NOL4L: variants seen among roughly 807,000 people sequenced by gnomAD.
The protein encoded by NOL4L is nucleolar protein 4-like.
In NOL4L, 7 loss-of-function variants were observed where a neutral mutation model predicts 64.5. The observed-to-expected ratio is 0.11, with a 90% CI of 0.06 to 0.20. The LOEUF is 0.20. Ranked by LOEUF, NOL4L falls within the 10% of genes least tolerant of loss-of-function variation. NOL4L has a pLI of 1.00. For missense variants in NOL4L, 680 were observed against 967.1 expected (o/e 0.70, Z 3.94); for synonymous variants, 413 against 401.0 (o/e 1.03, Z -0.36).
At chr20:32,552,390 T>A (rs1264153377) in intron 1 of NOL4L, among the ~76,000 whole-genome samples, 4 of 151,670 alleles carry the variant, frequency 2.6e-5, no homozygotes, top group East Asian at 1.9e-4. Flanking sequence ...TTTTTTTTTT[T>A]AATAATGAAA....
intron 1 of NOL4L, among the ~76,000 whole-genome samples, chr20:32,542,403 G>C (rs187136289): frequency 6.6e-6 from 1 of 152,186 alleles, no homozygotes; most frequent in Non-Finnish European, 1.5e-5. Flanking sequence ...ACCCAGACTG[G>C]AGTATAGTGG....
chr20:32,497,154 A>G (rs972383301), intron 4 of NOL4L, among the ~76,000 whole-genome samples: 29 of 151,368 alleles, frequency 1.9e-4, no homozygotes, highest in Non-Finnish European at 8.8e-5. Context: ...CAAAGCCATT[A>G]TCTCTAATTG....
chr20:32,535,017 C>T (rs2018470027), intron 1 of NOL4L, among the ~76,000 whole-genome samples: 3 of 151,602 alleles, frequency 2.0e-5, no homozygotes, highest in Admixed American at 2.0e-4. Context: ...TGCAAAGGGG[C>T]CCCACAGGGA....
At position 32,447,005 on chromosome 20, in the gene NOL4L, C is replaced by A; in HGVS notation, c.*591G>T. On this transcript the variant is annotated 3_prime_UTR_variant, in exon 11 of 11. Transcript: ENST00000621426. The stretch of plus-strand genomic sequence containing the variant: ...GCGGCCACAGGGTGCACCAGGCATG[C>A]AGAGGAACAGCCAGCCTGGCACCTG... 1 of 327,250 alleles carries A rather than the reference C, an allele frequency of 3.1e-6. No homozygotes were observed. The highest frequency in any genetic ancestry group is 2.2e-5 in the South Asian group (1 of 44,850). 20.3% of individuals were successfully genotyped at this position (327,250 alleles called of 1,614,324 possible). A position where few individuals can be genotyped will look rare whatever the true frequency, so the allele number is the denominator to read the frequency against.
chr20:32,513,072 T>C (rs1290408900), intron 3 of NOL4L, among the ~76,000 whole-genome samples: 1 of 152,174 alleles, frequency 6.6e-6, no homozygotes, highest in African/African-American at 2.4e-5. Flanking sequence ...CCAGATTCAT[T>C]TTGCCCCAGC....
chr20:32,531,160 C>G lies in NOL4L; in HGVS notation c.322-3247G>C, dbSNP rs2018332313. ...CAGAGGCATAGCTCTAGAGGCTTAG[C>G]TGCTTAAAGGCCAATAGACCTCCCT... is the stretch of plus-strand genomic sequence containing the variant. On this transcript the variant is annotated intron_variant, in intron 1 of 10. Coordinates refer to ENST00000621426, the MANE Select transcript of NOL4L (RefSeq NM_001256798.2). Among the ~76,000 whole-genome samples the G allele has an allele frequency of 2.0e-5, 3 of 152,084 alleles. No homozygotes were observed. The South Asian group carries it at 6.2e-4, about 32-fold the overall frequency.
chr20:32,461,309 G>A (rs950942874), intron 5 of NOL4L, among the ~76,000 whole-genome samples: 1 of 151,906 alleles, frequency 6.6e-6, no homozygotes, highest in Non-Finnish European at 1.5e-5. Flanking sequence ...ACTCTGTCCC[G>A]GGTGTCCCCT....
At position 32,584,440 on chromosome 20, in the gene NOL4L, G is replaced by C. The variant is rs1205852200; in HGVS notation, c.321+130C>G. ...GGTGAGCAGGGACGCGTGCGCCTCCGGCGGGCCCGACACACGGACAACCTC... is the reference window on the plus strand; with the variant it reads ...GGTGAGCAGGGACGCGTGCGCCTCCCGCGGGCCCGACACACGGACAACCTC... On this transcript the variant is annotated intron_variant, in intron 1 of 10. Coordinates refer to ENST00000621426, the MANE Select transcript of NOL4L (RefSeq NM_001256798.2). 5.4e-6 allele frequency: 4 copies of C among 745,294 alleles called. No homozygotes were observed. The East Asian group carries it at 1.1e-4, about 20-fold the overall frequency. 46.2% of individuals were successfully genotyped at this position (745,294 alleles called of 1,614,324 possible). A position where few individuals can be genotyped will look rare whatever the true frequency, so the allele number is the denominator to read the frequency against.
Position 32,460,419 on chromosome 20 carries a change from G to A in NOL4L, c.842-4024C>T, listed in dbSNP as rs1183177669. On this transcript the variant is annotated intron_variant, in intron 5 of 10. Coordinates refer to ENST00000621426, the MANE Select transcript of NOL4L (RefSeq NM_001256798.2). This position sits in a 1 kb window ranked among gnomAD's most constrained non-coding sequence, Gnocchi z 5.7. Reference sequence around the variant, plus strand: ...ATGCCAGCCCCCACCCCACACAGCTGCCCCCGCGCCACATGCTCTGGGGGC... The same window carrying A: ...ATGCCAGCCCCCACCCCACACAGCTACCCCCGCGCCACATGCTCTGGGGGC... Among the ~76,000 whole-genome samples the A allele has an allele frequency of 6.6e-6, 1 of 152,112 alleles. No homozygotes were observed. The highest frequency in any genetic ancestry group is 1.5e-5 in the Non-Finnish European group (1 of 68,028).
chr20:32,575,825 T>C (rs1980066879), intron 1 of NOL4L, among the ~76,000 whole-genome samples: 1 of 152,144 alleles, frequency 6.6e-6, no homozygotes. Context: ...CCAAGGGATC[T>C]AAGGTGGGCC....
chr20:32,515,662 G>A (rs1371041136), intron 3 of NOL4L, among the ~76,000 whole-genome samples: 1 of 152,108 alleles, frequency 6.6e-6, no homozygotes, highest in Admixed American at 6.5e-5. Context: ...AGGAAGAAGT[G>A]GGTTCCTTGG....
chr20:32,516,519 GA>G (rs374824462), intron 3 of NOL4L, among the ~76,000 whole-genome samples: 2 of 152,142 alleles, frequency 1.3e-5, no homozygotes, highest in African/African-American at 4.8e-5. Context: ...GCTTCGTAGA[GA>G]GAATCGGAAT....
At chr20:32,488,562 T>C (rs2145509808) in intron 4 of NOL4L, among the ~76,000 whole-genome samples, 1 of 152,360 alleles carries the variant, frequency 6.6e-6, no homozygotes, top group African/African-American at 2.4e-5. Flanking sequence ...AGCACTCATT[T>C]CACTGCACAC....
intron 5 of NOL4L, chr20:32,465,118 C>G: frequency 1.9e-6 from 1 of 528,924 alleles, no homozygotes. Flanking sequence ...CGGTGGGGCC[C>G]TGGAGACAGA....
At chr20:32,455,463 C>G (rs548001976) in intron 6 of NOL4L, among the ~76,000 whole-genome samples, 1 of 152,324 alleles carries the variant, frequency 6.6e-6, no homozygotes, top group East Asian at 1.9e-4. Context: ...GGGAGAAGAG[C>G]CTGTCCAGAG....
At chr20:32,521,813 C>T (rs1324033189) in intron 2 of NOL4L, among the ~76,000 whole-genome samples, 1 of 152,196 alleles carries the variant, frequency 6.6e-6, no homozygotes, top group African/African-American at 2.4e-5. Context: ...TCCCAGGTTC[C>T]CTGGGCTGAG....
At chr20:32,532,777 A>C (rs566859661) in intron 1 of NOL4L, among the ~76,000 whole-genome samples, 1 of 152,320 alleles carries the variant, frequency 6.6e-6, no homozygotes, top group South Asian at 2.1e-4. Context: ...GCTTCCTGGA[A>C]ACACCTAGCA....
At chr20:32,581,041 C>T (rs907063631) in intron 1 of NOL4L, among the ~76,000 whole-genome samples, 8 of 152,310 alleles carry the variant, frequency 5.3e-5, no homozygotes, top group South Asian at 2.1e-4. Flanking sequence ...GCAGGCCAAA[C>T]GTAAGAAATA....
rs572194782 is a variant in NOL4L, at chr20:32,496,475, C to G, written c.699+14872G>C. 5.7e-4 allele frequency among the ~76,000 whole-genome samples: 87 copies of G among 152,192 alleles called. No homozygotes were observed. The South Asian group carries it at 6.9e-3, about 12-fold the overall frequency. On this transcript the variant is annotated intron_variant, in intron 4 of 10. Coordinates refer to ENST00000621426, the MANE Select transcript of NOL4L (RefSeq NM_001256798.2). The stretch of plus-strand genomic sequence containing the variant: ...TCTGTCTCATTCACTGTGGTATCTT[C>G]CGTGCTTGGAATGACCTCCAGCATG...
Sources: gnomAD v4.1 joint callset for allele counts (sites outside exome capture counted in the v4.1 genomes callset) on GRCh38, gnomAD v4.1.1 for gene constraint, Gnocchi (gnomAD v3.1) non-coding constraint, MANE v1.5 for transcripts, NCBI Gene and HGNC (gene_info 2026-07-23, HGNC 2026-07-21) for gene names.